The following UNC13C variants were observed in gnomAD, a reference collection of about 807,000 sequenced individuals.
UNC13C encodes protein unc-13 homolog C.
UNC13C carries 174 observed loss-of-function variants against 245.4 expected under a neutral mutation model. The ratio of observed to expected loss-of-function variants is 0.71; its 90% CI spans 0.63 to 0.80. The LOEUF (loss-of-function observed/expected upper bound fraction) is 0.80. Ranked by LOEUF, UNC13C falls within the 30% of genes least tolerant of loss-of-function variation. UNC13C has a pLI of 0.00. For missense variants in UNC13C, 2,829 were observed against 2,602.9 expected, an observed-to-expected ratio of 1.09 and a Z score of -1.89; for synonymous variants, 992 against 895.1, an observed-to-expected ratio of 1.11 and a Z score of -1.93.
Position 54,228,237 on chromosome 15 carries a change from C to G in UNC13C, c.3072-6793C>G, listed in dbSNP as rs74478899. ...GGTGAATACTGCCAAGCCTGGAGTT[C>G]TTTTTTCAAAGCAATGTGCTCCCAT... On this transcript the variant is annotated intron_variant, in intron 4 of 32. Transcript: ENST00000260323. Among the ~76,000 whole-genome samples, 503 of 152,086 alleles carry G rather than the reference C, an allele frequency of 3.3e-3. 21 individuals are homozygous for G. In the East Asian group the frequency reaches 0.064, roughly 19 times the overall value.
the UNC13C span, among the ~76,000 whole-genome samples, chr15:53,929,670 GA>G: frequency 1.3e-5 from 2 of 152,102 alleles, no homozygotes; most frequent in African/African-American, 4.8e-5. Flanking sequence ...TTCTATGTTT[GA>G]ATATTTCAAG....
chr15:54,189,964 A>G (rs1372219051), intron 4 of UNC13C, among the ~76,000 whole-genome samples: 2 of 152,190 alleles, frequency 1.3e-5, no homozygotes, highest in Non-Finnish European at 2.9e-5. Flanking sequence ...ATGTTAGGTC[A>G]ACAGTCCTAA....
intron 31 of UNC13C, among the ~76,000 whole-genome samples, chr15:54,623,546 C>A (rs545363580): frequency 1.3e-5 from 2 of 152,226 alleles, no homozygotes; most frequent in African/African-American, 4.8e-5. Flanking sequence ...GCTAACTTTT[C>A]ATTAGTAACA....
chr15:54,630,262 A>G (rs1240401699), downstream of UNC13C: 5 of 152,218 alleles, frequency 3.3e-5, no homozygotes, highest in Admixed American at 3.3e-4. Context: ...GCATTAAGTA[A>G]TCAGATGTCC....
intron 19 of UNC13C, among the ~76,000 whole-genome samples, chr15:54,453,291 C>G (rs992565499): frequency 1.3e-5 from 2 of 152,168 alleles, no homozygotes; most frequent in African/African-American, 4.8e-5. Flanking sequence ...CCAGATGATA[C>G]TAGCTGAGCA....
rs1268859737 is a variant in UNC13C at position 54,345,118 on chromosome 15, A to G, written c.4713+6629A>G. On this transcript the variant is annotated intron_variant, in intron 17 of 32. Transcript: ENST00000260323. ...ATGCTGTCCCCTTGCACATGTCACC[A>G]TGTGACTGGAGAGCCAATGAAGAGT... Among the ~76,000 whole-genome samples, 8 of 152,296 alleles carry G rather than the reference A, an allele frequency of 5.3e-5. No individual in the cohort carries two copies. The East Asian group carries it at 1.5e-3, about 29-fold the overall frequency.
At chr15:54,237,288 G>C (rs2035726615) in intron 6 of UNC13C, among the ~76,000 whole-genome samples, 1 of 152,138 alleles carries the variant, frequency 6.6e-6, no homozygotes. Context: ...CAACCACCTT[G>C]AGGAATAAGA....
rs142838979 is a variant in UNC13C, at chr15:54,020,815, T to C, written c.2983+4929T>C. Among the ~76,000 whole-genome samples the C allele has an allele frequency of 2.2e-3, 337 of 152,278 alleles. 4 individuals carry two copies. The highest frequency in any genetic ancestry group is 7.7e-3 in the African/African-American group (322 of 41,568). On this transcript the variant is annotated intron_variant, in intron 2 of 32. Coordinates refer to ENST00000260323, the MANE Select transcript of UNC13C (RefSeq NM_001080534.3). ...TGCATAATTTTGCCTACAAATAAAT[T>C]CCTATCCTTCCACATTTTATCTGAC...
intron 8 of UNC13C, 122 bp from the exon 9 acceptor site, chr15:54,264,046 A>C: frequency 8.6e-6 from 8 of 934,714 alleles, no homozygotes; most frequent in Non-Finnish European, 1.3e-5. Flanking sequence ...CTAAAAAGCC[A>C]CCTGACTCCA....
intron 2 of UNC13C, among the ~76,000 whole-genome samples, chr15:54,059,875 C>A (rs920312155): frequency 6.6e-6 from 1 of 152,082 alleles, no homozygotes; most frequent in Non-Finnish European, 1.5e-5. Context: ...GAAAGGATTC[C>A]CTATTTAATA....
At chr15:53,963,937 T>C in the UNC13C span, among the ~76,000 whole-genome samples, 1 of 152,186 alleles carries the variant, frequency 6.6e-6, no homozygotes, top group Non-Finnish European at 1.5e-5. Flanking sequence ...ATAGAGGGAT[T>C]TTCTACATCT....
chr15:54,553,425 T>TAATATATAATATAATTATAATATATA (rs1425366615), intron 28 of UNC13C, among the ~76,000 whole-genome samples: 1 of 133,592 alleles, frequency 7.5e-6, no homozygotes, highest in Non-Finnish European at 1.6e-5. Context: ...TATAATATTA[T>TAATATATAATATAATTATAATATATA]ATATAATATA....
At chr15:54,084,741 G>A (rs1186857361) in intron 2 of UNC13C, among the ~76,000 whole-genome samples, 17 of 152,098 alleles carry the variant, frequency 1.1e-4, no homozygotes, top group Admixed American at 9.8e-4. Flanking sequence ...TGCTAGTTGA[G>A]TGACTTGAAA....
At chr15:54,393,723 G>T (rs973656956) in intron 18 of UNC13C, among the ~76,000 whole-genome samples, 1 of 151,934 alleles carries the variant, frequency 6.6e-6, no homozygotes, top group African/African-American at 2.4e-5. Context: ...TATTCTAGAA[G>T]AGACCGTAAA....
rs1162064898 is a variant in UNC13C, at chr15:54,627,144, T to C, written c.*31T>C. 1.9e-6 allele frequency: 3 copies of C among 1,574,892 alleles called. No homozygotes were observed. Among genetic ancestry groups the C allele is most frequent in the Non-Finnish European group, 2.6e-6 (3 of 1,160,852 alleles). On this transcript the variant is annotated 3_prime_UTR_variant, in exon 33 of 33. Transcript: ENST00000260323. ...ACACTGCAAGCTAAATACATAACTATAATTGTTTGACTACTGCATGCATGT... is the reference window on the plus strand; with the variant it reads ...ACACTGCAAGCTAAATACATAACTACAATTGTTTGACTACTGCATGCATGT...
In UNC13C at chr15:54,014,183, A is replaced by G. The variant is rs745938203; in HGVS notation, c.1280A>G (p.Tyr427Cys). Residue 427 changes from tyrosine to cysteine, a missense_variant, in exon 2 of 33, where the codon TAT becomes TGT. By Grantham distance (194) the Tyr-to-Cys change is radical (BLOSUM62 -2). Transcript: ENST00000260323. ...KEKGIPSSQTYESMAIKLSTP... is the reference protein window; with the variant it reads ...KEKGIPSSQTCESMAIKLSTP... ...AAAGGGATACCATCCTCCCAGACAT[A>G]TGAGAGCATGGCTATAAAGTTGTCT... 4.3e-6 allele frequency: 7 copies of G among 1,613,898 alleles called. No individual in the cohort carries two copies. The highest frequency in any genetic ancestry group is 5.9e-6 in the Non-Finnish European group (7 of 1,179,846).
intron 19 of UNC13C, among the ~76,000 whole-genome samples, chr15:54,454,198 A>G (rs1326383699): frequency 3.3e-5 from 5 of 152,092 alleles, no homozygotes; most frequent in Non-Finnish European, 1.5e-5. Flanking sequence ...ATGAGGTGCT[A>G]CATTCACAAT....
rs147508474 is a variant in UNC13C at position 54,538,292 on chromosome 15, G to A, written c.5696+5226G>A. 1.8e-3 allele frequency among the ~76,000 whole-genome samples: 270 copies of A among 152,010 alleles called. 1 individual carries two copies. Among genetic ancestry groups the A allele is most frequent in the Non-Finnish European group, 2.4e-3 (164 of 67,970 alleles). On this transcript the variant is annotated intron_variant, in intron 26 of 32. Transcript: ENST00000260323. ...AAGAAATGAAAATCAAAGCCACAAT[G>A]AGATACCATCTCACACCAATCAGGA... is the stretch of plus-strand genomic sequence containing the variant.
chr15:54,340,802 G>A (rs1300019169), intron 17 of UNC13C, among the ~76,000 whole-genome samples: 3 of 152,018 alleles, frequency 2.0e-5, no homozygotes, highest in African/African-American at 7.2e-5. Flanking sequence ...TTTTAGGACT[G>A]TTTTTTCTAG....
Sources: allele counts gnomAD v4.1 joint callset (sites outside exome capture counted in the v4.1 genomes callset), GRCh38; gene constraint gnomAD v4.1.1; transcripts MANE v1.5; gene names NCBI Gene and HGNC (gene_info 2026-07-23, HGNC 2026-07-21).